The following CIB1 variants were observed in gnomAD, a reference collection of about 807,000 sequenced individuals.
CIB1 encodes calcium and integrin binding 1, also known as calcium and integrin-binding protein 1.
CIB1 carries 19 observed loss-of-function variants against 25.0 expected under a neutral mutation model. That is an observed-to-expected ratio of 0.76 (90% CI 0.53 to 1.12). The LOEUF (loss-of-function observed/expected upper bound fraction) is 1.12. Among genes scored for constraint, CIB1 ranks in the 50% most tolerant of loss-of-function variants. The pLI, the probability that CIB1 is intolerant of heterozygous loss-of-function variation, is 0.00. For synonymous variants in CIB1, 104 were observed against 98.5 expected (o/e 1.06, Z -0.33); for missense variants, 236 against 242.6 (o/e 0.97, Z 0.18).
the CIB1 span, chr15:90,258,681 C>T: frequency 7.0e-7 from 1 of 1,420,612 alleles, no homozygotes; most frequent in Non-Finnish European, 9.9e-7. Flanking sequence ...TTAATGCCTG[C>T]AAGAGGCCAC....
the CIB1 span, chr15:90,257,171 C>G: frequency 6.2e-7 from 1 of 1,613,540 alleles, no homozygotes; most frequent in African/African-American, 1.3e-5. Flanking sequence ...GTTTGATATG[C>G]GAGTCTACGT....
the CIB1 span, chr15:90,262,629 C>A: frequency 1.6e-5 from 25 of 1,521,158 alleles, no homozygotes; most frequent in Non-Finnish European, 2.2e-5. Context: ...CAGAGCCTTT[C>A]CACCCACTTG....
chr15:90,230,299 ATGACAACAGCAGTGAGGAGAGGCCC>A lies in CIB1; in HGVS notation c.*160_*184del. The A allele has an allele frequency of 1.6e-6, 1 of 637,858 alleles. No homozygotes were observed. 39.5% of individuals were successfully genotyped at this position (637,858 alleles called of 1,614,324 possible). On this transcript the variant is annotated 3_prime_UTR_variant, in exon 7 of 7. Transcript: ENST00000328649. The stretch of plus-strand genomic sequence containing the variant: ...GATTAGTACAAACACAAACGGAGCA[ATGACAACAGCAGTGAGGAGAGGCCC>A]TGACAACGAGGGCCGCCCCTGCCCG...
chr15:90,256,589 CTTT>C, the CIB1 span, among the ~76,000 whole-genome samples: 37 of 34,850 alleles, frequency 1.1e-3, no homozygotes, highest in South Asian at 1.5e-3. Flanking sequence ...TTCTTTCTTT[CTTT>C]CTTTCTTTCT....
At chr15:90,241,507 G>A in the CIB1 span, 16 of 1,613,692 alleles carry the variant, frequency 9.9e-6, no homozygotes, top group African/African-American at 4.0e-5. Flanking sequence ...TTACACCCGG[G>A]CTTCCGTGTC....
At chr15:90,264,535 C>G in the CIB1 span, among the ~76,000 whole-genome samples, 1 of 152,110 alleles carries the variant, frequency 6.6e-6, no homozygotes, top group Non-Finnish European at 1.5e-5. Flanking sequence ...TCCCAGCACT[C>G]AAGAGGTAAT....
At chr15:90,253,275 C>G in the CIB1 span, 1 of 1,613,938 alleles carries the variant, frequency 6.2e-7, no homozygotes, top group Non-Finnish European at 8.5e-7. Flanking sequence ...AATGTGTGGC[C>G]TGAAGGAGGT....
chr15:90,250,271 C>CA, the CIB1 span, among the ~76,000 whole-genome samples: 2 of 152,252 alleles, frequency 1.3e-5, no homozygotes, highest in East Asian at 3.9e-4. Context: ...CCCCAGCACT[C>CA]ACAGCCATCC....
At position 90,230,453 on chromosome 15, in the gene CIB1, C is replaced by A; in HGVS notation, c.*31G>T. 1 of 1,551,304 alleles carries A rather than the reference C, an allele frequency of 6.4e-7. No homozygotes were observed. Among genetic ancestry groups the A allele is most frequent in the Admixed American group, 2.0e-5 (1 of 51,002 alleles). ...GCTCAGCAGTAGAAAGGTTCTTGGACAGGGTGCCAGGACACACGCTGGGGC... is the reference window on the plus strand; with the variant it reads ...GCTCAGCAGTAGAAAGGTTCTTGGAAAGGGTGCCAGGACACACGCTGGGGC... On this transcript the variant is annotated 3_prime_UTR_variant, in exon 7 of 7. Transcript: ENST00000328649.
chr15:90,256,214 C>A, the CIB1 span: 1 of 1,614,206 alleles, frequency 6.2e-7, no homozygotes, highest in Non-Finnish European at 8.5e-7. Context: ...CAGTGGCTGT[C>A]AGGGACGTGG....
chr15:90,258,179 C>G, the CIB1 span: 4 of 1,614,232 alleles, frequency 2.5e-6, no homozygotes, highest in Non-Finnish European at 3.4e-6. Context: ...CCTGTTTTCC[C>G]CAGTATCTGA....
the CIB1 span, chr15:90,262,265 GAA>G: frequency 7.2e-7 from 1 of 1,396,606 alleles, no homozygotes; most frequent in East Asian, 2.5e-5. Context: ...TCCCAGCAGG[GAA>G]AGAGGAAGCC....
the CIB1 span, among the ~76,000 whole-genome samples, chr15:90,240,471 G>A: frequency 1.3e-5 from 2 of 150,932 alleles, no homozygotes; most frequent in African/African-American, 4.9e-5. Context: ...TCGCGCCACT[G>A]CCCTCTAGCC....
At chr15:90,258,084 C>G in the CIB1 span, 139 of 1,614,070 alleles carry the variant, frequency 8.6e-5, 2 homozygotes, top group South Asian at 1.5e-3. Flanking sequence ...CAGCTACAAC[C>G]CTGGAGAGCT....
chr15:90,256,409 G>A, the CIB1 span: 1 of 1,352,578 alleles, frequency 7.4e-7, no homozygotes, highest in Non-Finnish European at 1.0e-6. Flanking sequence ...CTTCCCACTA[G>A]CCCCGTTTTC....
chr15:90,233,359 G>C lies in CIB1; in HGVS notation c.86+310C>G, dbSNP rs570260636. Among the ~76,000 whole-genome samples the C allele has an allele frequency of 9.8e-5, 15 of 152,378 alleles. No homozygotes were observed. In the East Asian group the frequency reaches 2.9e-3, roughly 29 times the overall value. ...CAAGGCTTCTGTGGTTTAGCCACTG[G>C]GCAAGGTCGGCCCCTGCCGGACTGG... On this transcript the variant is annotated intron_variant, in intron 2 of 6. Coordinates refer to ENST00000328649, the MANE Select transcript of CIB1 (RefSeq NM_006384.4).
chr15:90,252,785 C>A, the CIB1 span, among the ~76,000 whole-genome samples: 23 of 152,246 alleles, frequency 1.5e-4, no homozygotes, highest in African/African-American at 5.3e-4. Context: ...GGCGAATCTC[C>A]TGAGGTCAGG....
chr15:90,235,482 C>G (rs1045532019), upstream of CIB1, among the ~76,000 whole-genome samples: 10 of 151,914 alleles, frequency 6.6e-5, no homozygotes, highest in African/African-American at 2.4e-4. Context: ...CCACTGCAGT[C>G]CAGCCTGGGC....
At chr15:90,248,767 C>A in the CIB1 span, among the ~76,000 whole-genome samples, 5 of 86,898 alleles carry the variant, frequency 5.8e-5, no homozygotes, top group Non-Finnish European at 7.2e-5. Flanking sequence ...AAGTCCATGT[C>A]TTTTTAAAAG....
Sources: allele counts gnomAD v4.1 joint callset (sites outside exome capture counted in the v4.1 genomes callset), GRCh38; gene constraint gnomAD v4.1.1; transcripts MANE v1.5; gene names NCBI Gene and HGNC (gene_info 2026-07-23, HGNC 2026-07-21).